PACC1: variants seen among roughly 807,000 people sequenced by gnomAD.
PACC1 encodes proton-activated chloride channel.
PACC1 carries 34 observed loss-of-function variants against 39.7 expected under a neutral mutation model. The ratio of observed to expected loss-of-function variants is 0.86; its 90% CI spans 0.65 to 1.14. The LOEUF is 1.14. Among genes scored for constraint, PACC1 ranks in the 50% most tolerant of loss-of-function variants. The pLI is 0.00. For synonymous variants in PACC1, 127 were observed against 160.6 expected, an observed-to-expected ratio of 0.79 and a Z score of 1.58; for missense variants, 379 against 436.4, an observed-to-expected ratio of 0.87 and a Z score of 1.17.
At chr1:212,403,433 C>G (rs976861581) in intron 2 of PACC1, among the ~76,000 whole-genome samples, 5 of 152,248 alleles carry the variant, frequency 3.3e-5, no homozygotes, top group African/African-American at 7.2e-5. Context: ...CCATCTGTCC[C>G]TGTGACCTTG....
intron 2 of PACC1, among the ~76,000 whole-genome samples, chr1:212,392,112 G>C (rs562306746): frequency 2.0e-5 from 3 of 152,232 alleles, no homozygotes; most frequent in Admixed American, 6.5e-5. Context: ...GATACTCCTC[G>C]AGAAGAGCAA....
chr1:212,371,015 A>T (rs1056831197), intron 7 of PACC1, among the ~76,000 whole-genome samples: 2 of 152,168 alleles, frequency 1.3e-5, no homozygotes, highest in African/African-American at 4.8e-5. Flanking sequence ...TGGGAGGCTG[A>T]GGCCGGCAGA....
chr1:212,406,106 A>C (rs970612618), intron 2 of PACC1, among the ~76,000 whole-genome samples: 1 of 36,402 alleles, frequency 2.7e-5, no homozygotes, highest in Middle Eastern at 0.01. Context: ...CCCACCCCAC[A>C]AAAAAAAAAA....
chr1:212,393,186 G>A (rs1315857447), intron 2 of PACC1, among the ~76,000 whole-genome samples: 4 of 152,182 alleles, frequency 2.6e-5, no homozygotes, highest in Admixed American at 6.5e-5. Context: ...ATAGTTGGAA[G>A]TAAAGCTCTC....
At position 212,365,049 on chromosome 1, in the gene PACC1, G is replaced by A. The variant is rs771912983; in HGVS notation, c.*166C>T. On this transcript the variant is annotated 3_prime_UTR_variant, in exon 8 of 8. Coordinates refer to ENST00000261455, the MANE Select transcript of PACC1 (RefSeq NM_018252.3). ...AGTCTCTTCTATTAGGCTCTACACC[G>A]CCTCTTTTGGGACGGGGTTAGAAGT... 4.6e-5 allele frequency: 24 copies of A among 521,722 alleles called. No individual in the cohort carries two copies. Among genetic ancestry groups the A allele is most frequent in the Admixed American group, 7.4e-5 (2 of 27,058 alleles). 32.3% of individuals were successfully genotyped at this position (521,722 alleles called of 1,614,324 possible).
chr1:212,377,537 T>C, intron 6 of PACC1, 25 bp downstream of exon 6: 1 of 1,613,140 alleles, frequency 6.2e-7, no homozygotes. Flanking sequence ...CACCAGCAGT[T>C]TCAAGCAAAC....
intron 7 of PACC1, among the ~76,000 whole-genome samples, chr1:212,367,881 C>T (rs1404049897): frequency 6.6e-6 from 1 of 152,170 alleles, no homozygotes; most frequent in African/African-American, 2.4e-5. Context: ...TGGACCCAAA[C>T]CCCAGCCAGC....
intron 2 of PACC1, among the ~76,000 whole-genome samples, chr1:212,404,210 C>T (rs1661822078): frequency 6.6e-6 from 1 of 151,800 alleles, no homozygotes; most frequent in Non-Finnish European, 1.5e-5. Flanking sequence ...AGGTTCACGC[C>T]ATTCTCCTGC....
chr1:212,382,781 G>A (rs1660953451), intron 4 of PACC1, among the ~76,000 whole-genome samples: 1 of 152,166 alleles, frequency 6.6e-6, no homozygotes, highest in Non-Finnish European at 1.5e-5. Flanking sequence ...CCACCAGGGA[G>A]GGCGTATTTT....
chr1:212,367,463 G>GT (rs945306002), intron 7 of PACC1, among the ~76,000 whole-genome samples: 9 of 152,196 alleles, frequency 5.9e-5, no homozygotes, highest in African/African-American at 2.2e-4. Flanking sequence ...CGTGAAAAGA[G>GT]TATTAGGCCC....
intron 2 of PACC1, among the ~76,000 whole-genome samples, chr1:212,404,364 C>G (rs556431223): frequency 6.6e-6 from 1 of 152,050 alleles, no homozygotes; most frequent in South Asian, 2.1e-4. Flanking sequence ...CCTCAGCCTC[C>G]CAAAGTGCTG....
chr1:212,364,333 C>T lies in PACC1; in HGVS notation c.*882G>A, dbSNP rs1319631328. On this transcript the variant is annotated 3_prime_UTR_variant, in exon 8 of 8. Transcript: ENST00000261455. ...CAGTTGCCATGCCTAACAAACCCTT[C>T]CCTGGAAGCAGTTAGAACATACCTT... 2 of 152,100 alleles carry T rather than the reference C, an allele frequency of 1.3e-5. No individual in the cohort carries two copies. The highest frequency in any genetic ancestry group is 2.4e-5 in the African/African-American group (1 of 41,396). The allele number at this position is 152,100 out of a possible 1,614,324, so 9.4% of individuals were successfully genotyped here.
At chr1:212,368,407 C>T (rs971825566) in intron 7 of PACC1, among the ~76,000 whole-genome samples, 3 of 151,892 alleles carry the variant, frequency 2.0e-5, no homozygotes, top group Non-Finnish European at 2.9e-5. Context: ...GTGACCAATC[C>T]GGGAGAGAGA....
chr1:212,369,102 G>C (rs186347904), intron 7 of PACC1, among the ~76,000 whole-genome samples: 1 of 151,726 alleles, frequency 6.6e-6, no homozygotes, highest in South Asian at 2.1e-4. Flanking sequence ...GTATGGAGTT[G>C]AAGTGTAGTT....
chr1:212,378,224 C>T (rs975047588), intron 5 of PACC1, among the ~76,000 whole-genome samples: 33 of 152,202 alleles, frequency 2.2e-4, no homozygotes, highest in Admixed American at 5.9e-4. Context: ...GGTGCAGATG[C>T]AGCAAAATCA....
At chr1:212,378,846 C>A (rs543369914) in intron 5 of PACC1, among the ~76,000 whole-genome samples, 7 of 152,168 alleles carry the variant, frequency 4.6e-5, no homozygotes, top group African/African-American at 1.7e-4. Flanking sequence ...CAAGACCAAA[C>A]CTCCTCCTCA....
chr1:212,410,211 G>T (rs1662072312), intron 2 of PACC1: 4 of 563,632 alleles, frequency 7.1e-6, no homozygotes, highest in Non-Finnish European at 1.3e-5. Flanking sequence ...ACCTCAGGAA[G>T]TGGCTCAAAT....
At chr1:212,412,552 G>A in intron 1 of PACC1, among the ~76,000 whole-genome samples, 1 of 152,224 alleles carries the variant, frequency 6.6e-6, no homozygotes, top group East Asian at 1.9e-4. Flanking sequence ...ATTCTCTGAG[G>A]AAGTGAGAGA....
chr1:212,405,114 T>C (rs752512323), intron 2 of PACC1, among the ~76,000 whole-genome samples: 2 of 152,170 alleles, frequency 1.3e-5, no homozygotes, highest in Non-Finnish European at 2.9e-5. Context: ...TTGAAGCACC[T>C]GACTCTACCA....
Sources: gnomAD v4.1 joint callset for allele counts (sites outside exome capture counted in the v4.1 genomes callset) on GRCh38, gnomAD v4.1.1 for gene constraint, MANE v1.5 for transcripts, NCBI Gene and HGNC (gene_info 2026-07-23, HGNC 2026-07-21) for gene names.